Variants in FGD2 observed in about 807,000 individuals in gnomAD.
The protein encoded by FGD2 is FYVE, RhoGEF and PH domain containing 2.
In FGD2, 52 loss-of-function variants were observed where a neutral mutation model predicts 75.9. The ratio of observed to expected loss-of-function variants is 0.69; its 90% CI spans 0.55 to 0.86. FGD2 has a LOEUF of 0.86. Ranked by LOEUF, FGD2 falls within the 40% of genes least tolerant of loss-of-function variation. The pLI, the probability that FGD2 is intolerant of heterozygous loss-of-function variation, is 0.00. For missense variants in FGD2, 790 were observed against 872.0 expected (o/e 0.91, Z 1.18); for synonymous variants, 347 against 348.6 (o/e 1.00, Z 0.05).
chr6:37,024,754 G>T (rs1765739482), intron 13 of FGD2: 1 of 152,252 alleles, frequency 6.6e-6, no homozygotes. Flanking sequence ...CTGACCGTGG[G>T]TTTCTCTTGC....
In FGD2 at chr6:37,021,148, G is replaced by T. The variant is rs116597550; in HGVS notation, c.1234-364G>T. ...TGTCTTTGTGTGTCTGTGTTTGTGT[G>T]TGCGTGCGTGTGTGTGTGTGCATGC... is the stretch of plus-strand genomic sequence containing the variant. On this transcript the variant is annotated intron_variant, in intron 11 of 15. Transcript: ENST00000274963. 8.5e-3 allele frequency among the ~76,000 whole-genome samples: 1,290 copies of T among 152,162 alleles called. 16 individuals are homozygous for T. Among genetic ancestry groups the T allele is most frequent in the African/African-American group, 0.027 (1,125 of 41,486 alleles).
intron 9 of FGD2, among the ~76,000 whole-genome samples, chr6:37,016,509 T>G (rs1225143978): frequency 1.3e-5 from 2 of 150,218 alleles, no homozygotes; most frequent in Admixed American, 6.7e-5. Flanking sequence ...AGCCCCATGA[T>G]GCAGGGGCTG....
chr6:37,013,916 T>A (rs754505925), intron 5 of FGD2, 46 bp from the exon 6 acceptor site: 2 of 1,599,516 alleles, frequency 1.3e-6, no homozygotes, highest in Admixed American at 3.4e-5. Flanking sequence ...CTGACCCACC[T>A]CCCTTCTCTC....
intron 1 of FGD2, among the ~76,000 whole-genome samples, chr6:37,007,881 C>T (rs774859053): frequency 2.0e-5 from 3 of 152,158 alleles, no homozygotes; most frequent in Non-Finnish European, 4.4e-5. Flanking sequence ...CCAATGCTTT[C>T]GCTGCCACAA....
intron 12 of FGD2, 124 bp from the exon 13 acceptor site, chr6:37,022,115 C>G: frequency 7.4e-6 from 10 of 1,347,714 alleles, no homozygotes; most frequent in Non-Finnish European, 9.9e-6. Flanking sequence ...TGTAGAAGCC[C>G]CAGGGAAGCC....
rs538641267 is a variant in FGD2 at position 37,010,635 on chromosome 6, G to A, written c.301-338G>A. Among the ~76,000 whole-genome samples, 14 of 152,274 alleles carry A rather than the reference G, an allele frequency of 9.2e-5. No individual in the cohort carries two copies. In the East Asian group the frequency reaches 2.1e-3, roughly 23 times the overall value. On this transcript the variant is annotated intron_variant, in intron 2 of 15. Coordinates refer to ENST00000274963, the MANE Select transcript of FGD2 (RefSeq NM_173558.4). ...GCTGGCAGGGCTGGGCTCTTTCTCC[G>A]TGTATTCTCCAGGCCTCTCCTCTCC...
At chr6:37,011,504 A>G (rs1042685094) in intron 3 of FGD2, 14 of 660,830 alleles carry the variant, frequency 2.1e-5, no homozygotes, top group African/African-American at 1.3e-4. Context: ...AAGTCCCTGC[A>G]TCTCTAGGCT....
At chr6:37,008,757 A>C in intron 1 of FGD2, 77 bp from the exon 2 acceptor site, 1 of 1,442,280 alleles carries the variant, frequency 6.9e-7, no homozygotes, top group Admixed American at 2.3e-5. Context: ...CAGGCAACCC[A>C]AATCCACACC....
At position 37,027,529 on chromosome 6, in the gene FGD2, T is replaced by A; in HGVS notation, c.1706T>A (p.Ile569Asn). 1 of 1,614,064 alleles carries A rather than the reference T, an allele frequency of 6.2e-7. No homozygotes were observed. Among genetic ancestry groups the A allele is most frequent in the South Asian group, 1.1e-5 (1 of 91,078 alleles). The change falls in exon 15 of 16, where the codon ATC becomes AAC. Residue 569 changes from isoleucine to asparagine, a missense_variant. Ile to Asn is a moderately radical substitution (Grantham distance 149). Transcript: ENST00000274963. ...AGCGGCCCCCGGGGCTGGTGTGTGA[T>A]CCCTCGGGATGACCCCCTCGTGCTC... is the stretch of plus-strand genomic sequence containing the variant. ...GKSGPRGWCV[I>N]PRDDPLVLYV...
At chr6:37,008,318 G>A (rs1250377563) in intron 1 of FGD2, among the ~76,000 whole-genome samples, 1 of 152,206 alleles carries the variant, frequency 6.6e-6, no homozygotes, top group Non-Finnish European at 1.5e-5. Context: ...GCCCGTCCCT[G>A]GGAGAACAGA....
intron 1 of FGD2, among the ~76,000 whole-genome samples, chr6:37,007,651 G>A (rs778781246): frequency 1.1e-4 from 16 of 152,232 alleles, no homozygotes; most frequent in Non-Finnish European, 2.4e-4. Context: ...TCCTTATGAG[G>A]TCTCCAGCAC....
At position 37,013,601 on chromosome 6, in the gene FGD2, T is replaced by G. The variant is rs1468791555; in HGVS notation, c.528-8T>G. The G allele has an allele frequency of 3.7e-6, 6 of 1,612,564 alleles. No individual in the cohort carries two copies. The highest frequency in any genetic ancestry group is 5.1e-6 in the Non-Finnish European group (6 of 1,179,024). The stretch of plus-strand genomic sequence containing the variant: ...AGGCTGAGGGCAATCCCTGTGCCCC[T>G]CCTGCAGGACAGCTAACCCCCGCAT... On this transcript the variant is annotated splice_region_variant and splice_polypyrimidine_tract_variant and intron_variant, in intron 4 of 15. Coordinates refer to ENST00000274963, the MANE Select transcript of FGD2 (RefSeq NM_173558.4).
At position 37,013,605 on chromosome 6, in the gene FGD2, G is replaced by A. The variant is rs1161850867; in HGVS notation, c.528-4G>A. 6.2e-7 allele frequency: 1 copy of A among 1,613,148 alleles called. No individual in the cohort carries two copies. The highest frequency in any genetic ancestry group is 1.7e-5 in the Admixed American group (1 of 59,936). On this transcript the variant is annotated splice_region_variant and splice_polypyrimidine_tract_variant and intron_variant, in intron 4 of 15. Transcript: ENST00000274963. ...TGAGGGCAATCCCTGTGCCCCTCCT[G>A]CAGGACAGCTAACCCCCGCATCGGT...
In FGD2 at chr6:37,027,841, G is replaced by A; in HGVS notation, c.1753-107G>A. The A allele has an allele frequency of 3.1e-6, 4 of 1,279,630 alleles. No homozygotes were observed. In the South Asian group the frequency reaches 5.6e-5, roughly 18 times the overall value. 79.3% of individuals were successfully genotyped at this position (1,279,630 alleles called of 1,614,324 possible). On this transcript the variant is annotated intron_variant, in intron 15 of 15. Transcript: ENST00000274963. ...TCACCAGCCCACCCCCAACCCATGG[G>A]GGTTTAGGGTGTGAGCTGTGCGTGC...
At chr6:37,025,993 C>T (rs1765803202) in intron 14 of FGD2, 55 bp downstream of exon 14, 5 of 1,598,062 alleles carry the variant, frequency 3.1e-6, no homozygotes, top group Non-Finnish European at 4.3e-6. Context: ...GGAATGTGTG[C>T]CCGGCAACCA....
At chr6:37,020,805 T>G in intron 11 of FGD2, 66 bp downstream of exon 11, 1 of 1,545,310 alleles carries the variant, frequency 6.5e-7, no homozygotes, top group Non-Finnish European at 8.7e-7. Context: ...TTTTTCTTTC[T>G]TGGTACTAGA....
Position 37,005,717 on chromosome 6 carries a change from A to T in FGD2, c.-101A>T, listed in dbSNP as rs1231751014. 11 of 1,255,868 alleles carry T rather than the reference A, an allele frequency of 8.8e-6. No individual in the cohort carries two copies. The highest frequency in any genetic ancestry group is 2.9e-5 in the African/African-American group (2 of 68,174). 77.8% of individuals were successfully genotyped at this position (1,255,868 alleles called of 1,614,324 possible). On this transcript the variant is annotated 5_prime_UTR_variant, in exon 1 of 16. Transcript: ENST00000274963. The stretch of plus-strand genomic sequence containing the variant: ...AAAGATCAGAACAGATTCATGGGTG[A>T]TTTAGCCTATCTGTCCCAGGCCAGC...
At chr6:37,026,507 C>T (rs1765827218) in intron 14 of FGD2, among the ~76,000 whole-genome samples, 1 of 151,840 alleles carries the variant, frequency 6.6e-6, no homozygotes, top group African/African-American at 2.4e-5. Context: ...CACTGAGCCA[C>T]ACTTGCCCCC....
chr6:37,006,349 C>T (rs1764750779), intron 1 of FGD2, among the ~76,000 whole-genome samples: 1 of 152,146 alleles, frequency 6.6e-6, no homozygotes, highest in Non-Finnish European at 1.5e-5. Context: ...TGAGGCAAAC[C>T]AGGATGTACG....
Sources: gnomAD v4.1 joint callset for allele counts (sites outside exome capture counted in the v4.1 genomes callset) on GRCh38, gnomAD v4.1.1 for gene constraint, MANE v1.5 for transcripts, NCBI Gene and HGNC (gene_info 2026-07-23, HGNC 2026-07-21) for gene names.